The following SERINC3 variants were observed in gnomAD, a reference collection of about 807,000 sequenced individuals.
SERINC3 encodes the protein serine incorporator 3.
SERINC3 carries 22 observed loss-of-function variants against 52.1 expected under a neutral mutation model. That is an observed-to-expected ratio of 0.42 (90% CI 0.30 to 0.60). The LOEUF (loss-of-function observed/expected upper bound fraction) is 0.60. Among genes scored for constraint, SERINC3 ranks in the 20% least tolerant of loss-of-function variants. The pLI, the probability that SERINC3 is intolerant of heterozygous loss-of-function variation, is 0.16. For synonymous variants in SERINC3, 226 were observed against 212.7 expected, an observed-to-expected ratio of 1.06 and a Z score of -0.54; for missense variants, 564 against 584.6, an observed-to-expected ratio of 0.96 and a Z score of 0.36.
At chr20:44,505,310 T>G (rs2064304439) in intron 6 of SERINC3, among the ~76,000 whole-genome samples, 1 of 151,568 alleles carries the variant, frequency 6.6e-6, no homozygotes, top group Non-Finnish European at 1.5e-5. Flanking sequence ...ACTCCATGAA[T>G]TTTTTTAAAC....
intron 9 of SERINC3, 34 bp from the exon 10 acceptor site, chr20:44,500,468 C>T (rs1209675181): frequency 6.4e-7 from 1 of 1,551,518 alleles, no homozygotes; most frequent in African/African-American, 1.4e-5. Flanking sequence ...GTAGAAAAGC[C>T]TGGTCTACCT....
At chr20:44,512,777 C>CA in intron 3 of SERINC3, 24 bp downstream of exon 3, 1 of 1,528,218 alleles carries the variant, frequency 6.5e-7, no homozygotes, top group Non-Finnish European at 8.7e-7. Context: ...ATAATGTAAC[C>CA]AGTTAATCAT....
chr20:44,505,565 C>A (rs2064306493), intron 6 of SERINC3, among the ~76,000 whole-genome samples: 1 of 152,224 alleles, frequency 6.6e-6, no homozygotes, highest in African/African-American at 2.4e-5. Context: ...AGGTGATCTG[C>A]CCGCCTTGGC....
chr20:44,512,325 C>CAAAAAAAAAAAAAAAAAAAA (rs920134707), intron 3 of SERINC3, among the ~76,000 whole-genome samples: 2 of 49,342 alleles, frequency 4.1e-5, no homozygotes, highest in Non-Finnish European at 8.2e-5. Flanking sequence ...AAAAACAAAA[C>CAAAAAAAAAAAAAAAAAAAA]AAAAAAAAAA....
At chr20:44,513,115 G>A in intron 2 of SERINC3, 121 bp from the exon 3 acceptor site, 1 of 547,228 alleles carries the variant, frequency 1.8e-6, no homozygotes, top group Non-Finnish European at 3.1e-6. Flanking sequence ...ACTGACTATG[G>A]AATTTTTCTC....
At chr20:44,504,730 G>T in intron 7 of SERINC3, 71 bp downstream of exon 7, 1 of 1,267,272 alleles carries the variant, frequency 7.9e-7, no homozygotes, top group Non-Finnish European at 1.1e-6. Context: ...TCTAGTTTTT[G>T]TACCAACTAT....
intron 8 of SERINC3, 102 bp downstream of exon 8, chr20:44,503,713 G>A (rs1470444193): frequency 2.3e-6 from 2 of 888,406 alleles, no homozygotes; most frequent in East Asian, 2.7e-5. Flanking sequence ...TAAAGAGAGT[G>A]AAGTTTTTAA....
downstream of SERINC3, among the ~76,000 whole-genome samples, chr20:44,496,789 G>A (rs2064251662): frequency 6.6e-6 from 1 of 152,096 alleles, no homozygotes; most frequent in Admixed American, 6.6e-5. Context: ...GCAAAACTCT[G>A]TCTAAAAAAA....
rs188665544 is a variant in SERINC3, at chr20:44,497,590, G to A, written c.*2706C>T. On this transcript the variant is annotated 3_prime_UTR_variant, in exon 10 of 10. Transcript: ENST00000342374. Reference sequence around the variant, plus strand: ...CCTTTAAAGCTCTTAAGCTGACTCCGCTACTGTAAAGAAAAGCAGGGTATC... The same window carrying A: ...CCTTTAAAGCTCTTAAGCTGACTCCACTACTGTAAAGAAAAGCAGGGTATC... 1.7e-4 allele frequency: 26 copies of A among 152,402 alleles called. No homozygotes were observed. The highest frequency in any genetic ancestry group is 7.7e-4 in the East Asian group (4 of 5,194). 9.4% of individuals were successfully genotyped at this position (152,402 alleles called of 1,614,324 possible). A position where few individuals can be genotyped will look rare whatever the true frequency, so the allele number is the denominator to read the frequency against.
At position 44,506,811 on chromosome 20, in the gene SERINC3, T is replaced by G; in HGVS notation, c.783+16A>C. On this transcript the variant is annotated intron_variant, in intron 6 of 9. Coordinates refer to ENST00000342374, the MANE Select transcript of SERINC3 (RefSeq NM_006811.4). ...AAAAACCTTTCACAGGAGAAAGAAG[T>G]AGTAAACAATCATACCTGAATTTTT... 20 of 1,536,886 alleles carry G rather than the reference T, an allele frequency of 1.3e-5. No individual in the cohort carries two copies. The highest frequency in any genetic ancestry group is 1.7e-5 in the Non-Finnish European group (19 of 1,140,922).
At chr20:44,511,256 T>G (rs768944185) in intron 4 of SERINC3, 33 bp downstream of exon 4, 2 of 1,437,712 alleles carry the variant, frequency 1.4e-6, no homozygotes, top group Non-Finnish European at 2.0e-6. Flanking sequence ...GTTTATATAG[T>G]TTAAAATTAA....
At chr20:44,500,971 T>A (rs1178615415) in intron 9 of SERINC3, 102 bp downstream of exon 9, 2 of 777,310 alleles carry the variant, frequency 2.6e-6, no homozygotes, top group Admixed American at 4.8e-5. Context: ...AACTTCATTA[T>A]ATGGGTAAGA....
In SERINC3 at chr20:44,521,894, C is replaced by G. The variant is rs1172777095; in HGVS notation, c.39+19G>C. On this transcript the variant is annotated intron_variant, in intron 1 of 9. Transcript: ENST00000342374. ...CCGCAAACCGCAGGTCCGGCGAGGA[C>G]TCGGGACCCCGAACTCACCCAGCTG... The G allele has an allele frequency of 6.2e-7, 1 of 1,604,604 alleles. No individual in the cohort carries two copies. The highest frequency in any genetic ancestry group is 1.3e-5 in the African/African-American group (1 of 74,724).
chr20:44,519,405 C>T (rs2064401803), intron 1 of SERINC3: 1 of 980,740 alleles, frequency 1.0e-6, no homozygotes, highest in South Asian at 4.7e-5. Flanking sequence ...CTTCAACTCA[C>T]CAGGATTTTC....
chr20:44,518,628 T>C, intron 1 of SERINC3, among the ~76,000 whole-genome samples: 1 of 152,182 alleles, frequency 6.6e-6, no homozygotes, highest in East Asian at 1.9e-4. Context: ...CTATTTGTTC[T>C]TCTCATAGAA....
chr20:44,507,018 T>C, intron 5 of SERINC3, 22 bp from the exon 6 acceptor site: 2 of 1,542,822 alleles, frequency 1.3e-6, no homozygotes, highest in Middle Eastern at 1.7e-4. Context: ...GAAACCAATA[T>C]GAATGACCAC....
intron 6 of SERINC3, among the ~76,000 whole-genome samples, chr20:44,506,256 A>T (rs1256877313): frequency 7.4e-6 from 1 of 135,800 alleles, no homozygotes; most frequent in Non-Finnish European, 1.6e-5. Flanking sequence ...ACTCCAGCCT[A>T]GGGGACAAGA....
Position 44,501,304 on chromosome 20 carries a change from G to A in SERINC3, c.1056-4C>T, listed in dbSNP as rs1333846628. ...GCTATTAGTGGAAGTGCGGATGCTG[G>A]AAAGTGATCCCAAGGAAGACAAATC... On this transcript the variant is annotated splice_region_variant and splice_polypyrimidine_tract_variant and intron_variant, in intron 8 of 9. Coordinates refer to ENST00000342374, the MANE Select transcript of SERINC3 (RefSeq NM_006811.4). The A allele has an allele frequency of 1.9e-6, 3 of 1,612,812 alleles. No individual in the cohort carries two copies. Among genetic ancestry groups the A allele is most frequent in the African/African-American group, 2.7e-5 (2 of 74,890 alleles).
chr20:44,515,984 T>C (rs1366469254), intron 1 of SERINC3, among the ~76,000 whole-genome samples: 3 of 152,188 alleles, frequency 2.0e-5, no homozygotes, highest in Non-Finnish European at 2.9e-5. Flanking sequence ...GTTAATTTTA[T>C]GTCAACTTTA....
Sources: gnomAD v4.1 joint callset for allele counts (sites outside exome capture counted in the v4.1 genomes callset) on GRCh38, gnomAD v4.1.1 for gene constraint, MANE v1.5 for transcripts, NCBI Gene and HGNC (gene_info 2026-07-23, HGNC 2026-07-21) for gene names.